CDC40: variants seen among roughly 807,000 people sequenced by gnomAD.
The protein encoded by CDC40 is pre-mRNA-processing factor 17.
A neutral mutation model predicts 80.6 loss-of-function variants in CDC40; 27 were observed. That is an observed-to-expected ratio of 0.33 (90% confidence interval 0.25 to 0.46). CDC40 has a LOEUF of 0.46. Among genes scored for constraint, CDC40 ranks in the 20% least tolerant of loss-of-function variants. The pLI is 1.00. For synonymous variants in CDC40, 221 were observed against 232.6 expected, an observed-to-expected ratio of 0.95 and a Z score of 0.45; for missense variants, 486 against 694.1, an observed-to-expected ratio of 0.70 and a Z score of 3.37.
intron 3 of CDC40, among the ~76,000 whole-genome samples, chr6:110,206,626 A>G (rs1483766215): frequency 4.6e-5 from 7 of 152,358 alleles, no homozygotes; most frequent in Middle Eastern, 3.4e-3. Context: ...CTCTTAAGGA[A>G]ATATAAAGAA....
chr6:110,213,238 T>G, intron 8 of CDC40, 78 bp downstream of exon 8: 1 of 1,016,784 alleles, frequency 9.8e-7, no homozygotes, highest in South Asian at 1.3e-5. Context: ...TATAAATAAA[T>G]TTGGGTTTGT....
chr6:110,226,829 C>A (rs1346072804), intron 13 of CDC40, among the ~76,000 whole-genome samples: 1 of 152,080 alleles, frequency 6.6e-6, no homozygotes, highest in Non-Finnish European at 1.5e-5. Context: ...CTAGCCTGGG[C>A]AACATAGAGA....
At chr6:110,220,313 G>A (rs1777751928) in intron 12 of CDC40, among the ~76,000 whole-genome samples, 1 of 152,008 alleles carries the variant, frequency 6.6e-6, no homozygotes, top group Non-Finnish European at 1.5e-5. Flanking sequence ...AATGCCCCAT[G>A]TATTAGTCTG....
chr6:110,198,995 T>A (rs1200303305), intron 2 of CDC40: 1 of 152,190 alleles, frequency 6.6e-6, no homozygotes, highest in Non-Finnish European at 1.5e-5. Context: ...TCCTGCTAAG[T>A]AGCGTTCGCT....
chr6:110,181,742 T>G (rs1342221518), intron 1 of CDC40, among the ~76,000 whole-genome samples: 1 of 152,160 alleles, frequency 6.6e-6, no homozygotes, highest in East Asian at 1.9e-4. Flanking sequence ...CTCAACCCAA[T>G]GCAGTCTGGC....
chr6:110,220,947 G>C (rs1777768438), intron 12 of CDC40, among the ~76,000 whole-genome samples: 1 of 152,116 alleles, frequency 6.6e-6, no homozygotes, highest in African/African-American at 2.4e-5. Context: ...TTCAAGATAA[G>C]ATTTGGGATG....
intron 1 of CDC40, among the ~76,000 whole-genome samples, chr6:110,186,048 C>T (rs1035704849): frequency 1.3e-5 from 2 of 152,180 alleles, no homozygotes; most frequent in Admixed American, 6.5e-5. Context: ...ATTTTATTCA[C>T]ATCCCCTGTA....
chr6:110,187,495 T>G (rs535361033), intron 1 of CDC40, among the ~76,000 whole-genome samples: 25 of 152,330 alleles, frequency 1.6e-4, no homozygotes, highest in Admixed American at 9.8e-4. Flanking sequence ...CCCTCTGCAA[T>G]CTGTTAAGGG....
intron 3 of CDC40, among the ~76,000 whole-genome samples, chr6:110,202,209 A>T (rs1777502144): frequency 6.6e-6 from 1 of 152,154 alleles, no homozygotes. Context: ...TGTGCGTGGA[A>T]ACTGCTTGTA....
chr6:110,209,051 GTTTT>G, intron 4 of CDC40, 29 bp from the exon 5 acceptor site: 1 of 1,167,892 alleles, frequency 8.6e-7, no homozygotes, highest in Non-Finnish European at 1.2e-6. Flanking sequence ...TAATCTCTCA[GTTTT>G]TTTTTTAATT....
At chr6:110,202,731 TC>T (rs1047167106) in intron 3 of CDC40, among the ~76,000 whole-genome samples, 24 of 152,262 alleles carry the variant, frequency 1.6e-4, no homozygotes, top group African/African-American at 4.3e-4. Flanking sequence ...TTTTTGCCTC[TC>T]CCACTAGGAA....
At chr6:110,190,758 A>G (rs931493140) in intron 1 of CDC40, among the ~76,000 whole-genome samples, 1 of 151,982 alleles carries the variant, frequency 6.6e-6, no homozygotes, top group Non-Finnish European at 1.5e-5. Context: ...AAGGGGTGGG[A>G]GCCCAGTGGG....
intron 8 of CDC40, among the ~76,000 whole-genome samples, chr6:110,213,398 T>G (rs944167666): frequency 4.6e-5 from 7 of 151,302 alleles, no homozygotes; most frequent in African/African-American, 2.4e-5. Context: ...TTTTTTTGTT[T>G]TTTTTTTTTG....
In CDC40 at chr6:110,219,651, T is replaced by G; in HGVS notation, c.1207-85T>G. 5 of 1,451,468 alleles carry G rather than the reference T, an allele frequency of 3.4e-6. No homozygotes were observed. The South Asian group carries it at 4.9e-5, about 14-fold the overall frequency. The allele number at this position is 1,451,468 out of a possible 1,614,324, so 89.9% of individuals were successfully genotyped here. A position where few individuals can be genotyped will look rare whatever the true frequency, so the allele number is the denominator to read the frequency against. Reference sequence around the variant, plus strand: ...TTATAAAAATATCGTGTTGAAGATCTTCTCCTTCTCCACTTTCCAGAATTA... The same window carrying G: ...TTATAAAAATATCGTGTTGAAGATCGTCTCCTTCTCCACTTTCCAGAATTA... On this transcript the variant is annotated intron_variant, in intron 11 of 14. Transcript: ENST00000307731.
chr6:110,205,483 T>C (rs749252536), intron 3 of CDC40, among the ~76,000 whole-genome samples: 38 of 152,232 alleles, frequency 2.5e-4, no homozygotes, highest in Non-Finnish European at 3.8e-4. Flanking sequence ...TAATACTGTT[T>C]TCTAATCACC....
chr6:110,212,044 C>A, intron 6 of CDC40, 89 bp from the exon 7 acceptor site: 1 of 1,083,958 alleles, frequency 9.2e-7, no homozygotes, highest in Non-Finnish European at 1.4e-6. Flanking sequence ...GAATGATATA[C>A]CTGTGAATAA....
intron 3 of CDC40, among the ~76,000 whole-genome samples, chr6:110,204,669 T>C (rs919058912): frequency 6.7e-5 from 10 of 148,852 alleles, no homozygotes; most frequent in Middle Eastern, 3.2e-3. Flanking sequence ...CTTTTTTTTT[T>C]TTTTTTTTTT....
At chr6:110,205,485 C>T (rs1777550543) in intron 3 of CDC40, among the ~76,000 whole-genome samples, 1 of 152,136 alleles carries the variant, frequency 6.6e-6, no homozygotes. Flanking sequence ...ATACTGTTTT[C>T]TAATCACCTG....
At chr6:110,222,631 C>T (rs1386126434) in intron 12 of CDC40, among the ~76,000 whole-genome samples, 1 of 152,124 alleles carries the variant, frequency 6.6e-6, no homozygotes, top group East Asian at 1.9e-4. Flanking sequence ...CCTTCCTGAC[C>T]AGCCCACAGA....
Sources: allele counts gnomAD v4.1 joint callset (sites outside exome capture counted in the v4.1 genomes callset), GRCh38; gene constraint gnomAD v4.1.1; transcripts MANE v1.5; gene names NCBI Gene and HGNC (gene_info 2026-07-23, HGNC 2026-07-21).